The following ISG20 variants were observed in gnomAD, a reference collection of about 807,000 sequenced individuals.
The protein encoded by ISG20 is interferon stimulated exonuclease gene 20, also known as interferon-stimulated gene 20 kDa protein.
ISG20 carries 8 observed loss-of-function variants against 11.1 expected under a neutral mutation model. The ratio of observed to expected loss-of-function variants is 0.72; its 90% CI spans 0.42 to 1.30. ISG20 has a LOEUF of 1.30. Among genes scored for constraint, ISG20 ranks in the 50% most tolerant of loss-of-function variants. ISG20 has a pLI of 0.01. For missense variants in ISG20, 243 were observed against 250.2 expected (o/e 0.97, Z 0.19); for synonymous variants, 110 against 101.7 (o/e 1.08, Z -0.49).
chr15:88,652,085 G>A (rs769800037), intron 2 of ISG20, 25 bp from the exon 3 acceptor site: 1 of 1,613,648 alleles, frequency 6.2e-7, no homozygotes, highest in African/African-American at 1.3e-5. Context: ...GTCATGTAGG[G>A]GTGGGCACAT....
intron 2 of ISG20, among the ~76,000 whole-genome samples, chr15:88,642,074 T>C (rs4335755): frequency 0.78 from 119,104 of 151,876 alleles, 46,900 homozygotes; most frequent in Non-Finnish European, 0.82. Context: ...GTAGTATAGG[T>C]GTCCGCCACC....
At position 88,639,320 on chromosome 15, in the gene ISG20, G is replaced by GC; in HGVS notation, c.-24-17dup. 2.0e-6 allele frequency: 3 copies of GC among 1,464,338 alleles called. No homozygotes were observed. Among genetic ancestry groups the GC allele is most frequent in the South Asian group, 1.2e-5 (1 of 81,712 alleles). The allele number at this position is 1,464,338 out of a possible 1,614,324, so 90.7% of individuals were successfully genotyped here. The stretch of plus-strand genomic sequence containing the variant: ...GCTTGGTTTGCCCAAGCGTGAGACC[G>GC]CCCCCCATACCCCTCTCTCCAGCAT... On this transcript the variant is annotated intron_variant, in intron 1 of 3. Coordinates refer to ENST00000306072, the MANE Select transcript of ISG20 (RefSeq NM_002201.6). This position sits in a 1 kb window ranked among gnomAD's most constrained non-coding sequence, Gnocchi z 4.2.
chr15:88,638,288 A>G (rs371179621), upstream of ISG20, among the ~76,000 whole-genome samples: 3 of 152,320 alleles, frequency 2.0e-5, no homozygotes, highest in African/African-American at 7.2e-5. Flanking sequence ...AACTCATTTG[A>G]CATTCACTAA....
intron 3 of ISG20, among the ~76,000 whole-genome samples, chr15:88,652,895 G>A (rs914796637): frequency 6.6e-6 from 1 of 151,638 alleles, no homozygotes; most frequent in Non-Finnish European, 1.5e-5. Context: ...AGCAGGGGCC[G>A]GGGAACTGGG....
At chr15:88,640,579 AAAG>A (rs974035610) in intron 2 of ISG20, among the ~76,000 whole-genome samples, 4 of 152,200 alleles carry the variant, frequency 2.6e-5, no homozygotes, top group South Asian at 2.1e-4. Flanking sequence ...CAGTAAAAGA[AAAG>A]AAGGATAATA....
At chr15:88,649,973 C>T in intron 2 of ISG20, 1 of 483,672 alleles carries the variant, frequency 2.1e-6, no homozygotes, top group East Asian at 4.0e-5. Flanking sequence ...CCTCTCTGAG[C>T]CTCAGTCTCC....
chr15:88,655,068 CCCT>C (rs979031673), intron 3 of ISG20, among the ~76,000 whole-genome samples: 3 of 152,266 alleles, frequency 2.0e-5, no homozygotes, highest in Admixed American at 2.0e-4. Flanking sequence ...GTTCCTCACT[CCCT>C]CCTCAGTGTC....
chr15:88,654,533 C>T (rs1431124908), intron 3 of ISG20, among the ~76,000 whole-genome samples: 2 of 152,118 alleles, frequency 1.3e-5, no homozygotes, highest in South Asian at 4.1e-4. Context: ...CAACAGCCCG[C>T]TGGCTCCCAT....
intron 2 of ISG20, chr15:88,651,116 C>G (rs761488142): frequency 1.3e-6 from 1 of 787,480 alleles, no homozygotes; most frequent in East Asian, 1.3e-4. Flanking sequence ...AGAAGTCATA[C>G]AGGCCAGCCC....
intron 2 of ISG20, among the ~76,000 whole-genome samples, chr15:88,640,718 C>T (rs558479957): frequency 5.7e-4 from 86 of 152,100 alleles, no homozygotes; most frequent in Non-Finnish European, 1.9e-4. Context: ...AATCCCAGCA[C>T]GGTGGGAGGC....
rs748697262 is a variant in ISG20 at position 88,650,022 on chromosome 15, G to C, written c.229-2088G>C. ...GGAGAACATGTAAAAGGGAACACAT[G>C]ATGTTCCAGGAGGCCGCTGGCTATC... On this transcript the variant is annotated intron_variant, in intron 2 of 3. Coordinates refer to ENST00000306072, the MANE Select transcript of ISG20 (RefSeq NM_002201.6). This position sits in a 1 kb window ranked among gnomAD's most constrained non-coding sequence, Gnocchi z 4.0. 1.8e-6 allele frequency: 1 copy of C among 570,512 alleles called. No individual in the cohort carries two copies. Among genetic ancestry groups the C allele is most frequent in the Non-Finnish European group, 3.2e-6 (1 of 316,820 alleles). 35.3% of individuals were successfully genotyped at this position (570,512 alleles called of 1,614,324 possible).
chr15:88,639,403 G>A lies in ISG20; in HGVS notation c.37G>A (p.Glu13Lys), dbSNP rs761294561. ...GSREVVAMDC[E>K]MVGLGPHRES... Reference sequence around the variant, plus strand: ...CCGTGAGGTGGTGGCCATGGACTGCGAGATGGTGGGGCTGGGGCCCCACCG... The same window carrying A: ...CCGTGAGGTGGTGGCCATGGACTGCAAGATGGTGGGGCTGGGGCCCCACCG... The change falls in exon 2 of 4, where the codon GAG becomes AAG. Residue 13 changes from glutamate to lysine, a missense_variant. Transcript: ENST00000306072. The surrounding 1 kb of genome is among the most constrained non-coding windows in gnomAD (Gnocchi z 4.2). The A allele has an allele frequency of 9.9e-6, 16 of 1,613,654 alleles. No homozygotes were observed. The highest frequency in any genetic ancestry group is 2.2e-5 in the East Asian group (1 of 44,884).
chr15:88,636,802 T>A (rs1285984223), upstream of ISG20, among the ~76,000 whole-genome samples: 2 of 152,156 alleles, frequency 1.3e-5, no homozygotes, highest in African/African-American at 4.8e-5. Context: ...TAACTGGGAT[T>A]ATAGACACTA....
At position 88,639,131 on chromosome 15, in the gene ISG20, GT is replaced by G. The variant is rs1256116174; in HGVS notation, c.-25+56del. 5.3e-6 allele frequency: 3 copies of G among 568,478 alleles called. No individual in the cohort carries two copies. The African/African-American group carries it at 5.6e-5, about 11-fold the overall frequency. 35.2% of individuals were successfully genotyped at this position (568,478 alleles called of 1,614,324 possible). On this transcript the variant is annotated intron_variant, in intron 1 of 3. Transcript: ENST00000306072. The surrounding 1 kb of genome is among the most constrained non-coding windows in gnomAD (Gnocchi z 4.2). ...GGAGGCAGCGGGAGGGGCCTTCCCG[GT>G]CCCCAGGCTGCGGGGCAGGCCAGAG...
At chr15:88,642,805 C>A (rs752251363) in intron 2 of ISG20, among the ~76,000 whole-genome samples, 1 of 151,858 alleles carries the variant, frequency 6.6e-6, no homozygotes, top group Non-Finnish European at 1.5e-5. Flanking sequence ...TCAGTAGAGA[C>A]GGGGTTTCAC....
chr15:88,647,222 T>A (rs1384120371), intron 2 of ISG20: 2 of 151,726 alleles, frequency 1.3e-5, no homozygotes, highest in African/African-American at 4.9e-5. Context: ...TTTAGGCCAC[T>A]GATGTGAGTG....
rs746997532 is a variant in ISG20 at position 88,652,184 on chromosome 15, C to A, written c.303C>A (p.Asp101Glu). ...LKHDFQALKE[D>E]MSGYTIYDTS... The stretch of plus-strand genomic sequence containing the variant: ...ACGACTTCCAGGCACTGAAAGAGGA[C>A]ATGAGCGGCTACACAATCTACGACA... The change falls in exon 3 of 4, where the codon GAC (aspartate) becomes GAA (glutamate). Residue 101 changes from aspartate (D) to glutamate (E), a missense_variant. By Grantham distance (45) the Asp-to-Glu change is conservative. Coordinates refer to ENST00000306072, the MANE Select transcript of ISG20 (RefSeq NM_002201.6). The A allele has an allele frequency of 1.9e-6, 3 of 1,613,962 alleles. No individual in the cohort carries two copies. The highest frequency in any genetic ancestry group is 1.7e-5 in the Admixed American group (1 of 59,994).
chr15:88,650,526 C>G lies in ISG20; in HGVS notation c.229-1584C>G, dbSNP rs994489589. 18 of 1,267,176 alleles carry G rather than the reference C, an allele frequency of 1.4e-5. No individual in the cohort carries two copies. Among genetic ancestry groups the G allele is most frequent in the African/African-American group, 6.1e-5 (4 of 66,018 alleles). The allele number at this position is 1,267,176 out of a possible 1,614,324, so 78.5% of individuals were successfully genotyped here. A position where few individuals can be genotyped will look rare whatever the true frequency, so the allele number is the denominator to read the frequency against. On this transcript the variant is annotated intron_variant, in intron 2 of 3. Coordinates refer to ENST00000306072, the MANE Select transcript of ISG20 (RefSeq NM_002201.6). This position sits in a 1 kb window ranked among gnomAD's most constrained non-coding sequence, Gnocchi z 4.0. ...ATCAAATGGTGCTTGGCAAATCACA[C>G]CAAAACTTACCGGTTCAAACAATGT... is the stretch of plus-strand genomic sequence containing the variant.
upstream of ISG20, among the ~76,000 whole-genome samples, chr15:88,638,507 T>C (rs2058021164): frequency 6.6e-6 from 1 of 152,164 alleles, no homozygotes; most frequent in Admixed American, 6.5e-5. Flanking sequence ...CCCTCGCTGC[T>C]CCTTGCCTTC....
Sources: gnomAD v4.1 joint callset for allele counts (sites outside exome capture counted in the v4.1 genomes callset) on GRCh38, gnomAD v4.1.1 for gene constraint, Gnocchi (gnomAD v3.1) non-coding constraint, MANE v1.5 for transcripts, NCBI Gene and HGNC (gene_info 2026-07-23, HGNC 2026-07-21) for gene names.